The following KNTC1 variants were observed in gnomAD, a reference collection of about 807,000 sequenced individuals.
The protein encoded by KNTC1 is kinetochore-associated protein 1.
A neutral mutation model predicts 314.4 loss-of-function variants in KNTC1; 253 were observed. That is an observed-to-expected ratio of 0.80 (90% CI 0.73 to 0.89). The LOEUF (loss-of-function observed/expected upper bound fraction) is 0.89, where lower values mean the gene tolerates loss of function less well. Ranked by LOEUF, KNTC1 falls within the 40% of genes least tolerant of loss-of-function variation. KNTC1 has a pLI of 0.00. For missense variants in KNTC1, 2,475 were observed against 2,572.9 expected (o/e 0.96, Z 0.82); for synonymous variants, 901 against 901.4 (o/e 1.00, Z 0.01).
intron 36 of KNTC1, among the ~76,000 whole-genome samples, 176 bp downstream of exon 36, chr12:122,585,166 C>T (rs769532226): frequency 2.6e-5 from 4 of 151,878 alleles, no homozygotes; most frequent in Non-Finnish European, 5.9e-5. Context: ...TTCTGAGTAG[C>T]TGGGACTATA....
Position 122,602,575 on chromosome 12 carries a change from A to C in KNTC1, c.4660A>C (p.Ser1554Arg). Residue 1554 changes from serine to arginine, a missense_variant, in exon 46 of 64, where the codon AGT becomes CGT. Ser to Arg is a moderately radical substitution (Grantham distance 110, BLOSUM62 -1). Coordinates refer to ENST00000333479, the MANE Select transcript of KNTC1 (RefSeq NM_014708.6). ...ITNININQAL[S>R]ILKHLKSYRR... ...GTTTTTTATTTTAATATAGGCATTG[A>C]GTATTCTGAAACATTTGAAGTCATA... is the stretch of plus-strand genomic sequence containing the variant. The C allele has an allele frequency of 6.2e-7, 1 of 1,601,752 alleles. No individual in the cohort carries two copies. The highest frequency in any genetic ancestry group is 8.5e-7 in the Non-Finnish European group (1 of 1,170,902).
chr12:122,579,137 TCA>T (rs1177275648), intron 31 of KNTC1, among the ~76,000 whole-genome samples: 7 of 135,628 alleles, frequency 5.2e-5, no homozygotes, highest in African/African-American at 1.9e-4. Flanking sequence ...GGATCTCGGC[TCA>T]CTGCAAGCTC....
chr12:122,529,162 T>A (rs1961099733), intron 1 of KNTC1, among the ~76,000 whole-genome samples: 1 of 152,100 alleles, frequency 6.6e-6, no homozygotes, highest in Non-Finnish European at 1.5e-5. Context: ...TATTCCTATT[T>A]TATAAATTAG....
At chr12:122,609,175 T>G (rs1431514215) in intron 51 of KNTC1, 7 of 546,930 alleles carry the variant, frequency 1.3e-5, no homozygotes, top group South Asian at 5.0e-5. Flanking sequence ...TATCATATAG[T>G]AAGTGCTCAG....
rs749579950 is a variant in KNTC1 at position 122,624,611 on chromosome 12, TCA to T, written c.6530_6531del (p.Ser2177CysfsTer5). The T allele has an allele frequency of 6.2e-7, 1 of 1,612,356 alleles. No individual in the cohort carries two copies. The highest frequency in any genetic ancestry group is 1.7e-5 in the Admixed American group (1 of 59,990). On this transcript the variant is annotated frameshift_variant, in exon 63 of 64. Transcript: ENST00000333479. LOFTEE classifies it high-confidence loss of function. The stretch of plus-strand genomic sequence containing the variant: ...TTGATTTTGTAGTTTAGATGAAGCT[TCA>T]GTCTTGATAACTGAATATTCAAAGC... ...LANDLSLDEASVLITEYSKHC... is the reference protein window; with the variant it reads ...LANDLSLDEAXVLITEYSKHC...
intron 19 of KNTC1, 29 bp downstream of exon 19, chr12:122,562,003 T>A: frequency 6.3e-7 from 1 of 1,578,488 alleles, no homozygotes. Context: ...TAGGTTAATA[T>A]GTGGGTGAAT....
rs1964634993 is a variant in KNTC1 at position 122,570,802 on chromosome 12, AAG to A, written c.1861-72_1861-71del. 2.3e-5 allele frequency: 23 copies of A among 989,564 alleles called. No homozygotes were observed. In the South Asian group the frequency reaches 3.5e-4, roughly 15 times the overall value. 61.3% of individuals were successfully genotyped at this position (989,564 alleles called of 1,614,324 possible). A position where few individuals can be genotyped will look rare whatever the true frequency, so the allele number is the denominator to read the frequency against. ...CAAAATAAATATTTAAAGGAAAAAA[AAG>A]AAATCGTGGAGGTTTTTAGTTATGT... is the stretch of plus-strand genomic sequence containing the variant. On this transcript the variant is annotated intron_variant, in intron 22 of 63. Coordinates refer to ENST00000333479, the MANE Select transcript of KNTC1 (RefSeq NM_014708.6).
At chr12:122,539,921 A>C (rs1374529849) in intron 5 of KNTC1, among the ~76,000 whole-genome samples, 167 bp downstream of exon 5, 1 of 151,734 alleles carries the variant, frequency 6.6e-6, no homozygotes, top group Admixed American at 6.6e-5. Flanking sequence ...CTGGGATTAC[A>C]GGTGTGTGCC....
At chr12:122,582,258 A>G (rs1868515201) in intron 33 of KNTC1, among the ~76,000 whole-genome samples, 1 of 152,158 alleles carries the variant, frequency 6.6e-6, no homozygotes, top group Non-Finnish European at 1.5e-5. Flanking sequence ...CTCTACTAAA[A>G]ATAACAAAAA....
chr12:122,527,793 T>A (rs1320020457), intron 1 of KNTC1: 2 of 152,308 alleles, frequency 1.3e-5, no homozygotes, highest in Admixed American at 1.3e-4. Flanking sequence ...CTCTGTTCCC[T>A]CTGCCTACGT....
intron 43 of KNTC1, among the ~76,000 whole-genome samples, chr12:122,596,147 A>G (rs146349206): frequency 3.9e-4 from 58 of 148,224 alleles, no homozygotes; most frequent in African/African-American, 8.8e-4. Flanking sequence ...CAGTGGTGCA[A>G]TCTTGTCTCA....
chr12:122,558,598 G>T (rs10773302), intron 18 of KNTC1, among the ~76,000 whole-genome samples: 117,724 of 151,842 alleles, frequency 0.78, 46,074 homozygotes, highest in African/African-American at 0.87. Context: ...CTCTTAAATG[G>T]CTGGGTGAGG....
At chr12:122,600,204 A>C (rs1394436502) in intron 44 of KNTC1, among the ~76,000 whole-genome samples, 8 of 152,030 alleles carry the variant, frequency 5.3e-5, no homozygotes, top group Non-Finnish European at 7.4e-5. Context: ...GGTTCAAGCG[A>C]TTCTCCTGCC....
rs1290723873 is a variant in KNTC1, at chr12:122,624,893, A to T, written c.6606+205A>T. 14 of 534,540 alleles carry T rather than the reference A, an allele frequency of 2.6e-5. No individual in the cohort carries two copies. The Admixed American group carries it at 3.8e-4, about 14-fold the overall frequency. The allele number at this position is 534,540 out of a possible 1,614,324, so 33.1% of individuals were successfully genotyped here. ...TCTAATCTCAGCCCTGCCACTGGGCAGCAAAGCCTAATGTGGGCTTAGTCT... is the reference window on the plus strand; with the variant it reads ...TCTAATCTCAGCCCTGCCACTGGGCTGCAAAGCCTAATGTGGGCTTAGTCT... On this transcript the variant is annotated intron_variant, in intron 63 of 63. Coordinates refer to ENST00000333479, the MANE Select transcript of KNTC1 (RefSeq NM_014708.6).
At chr12:122,554,080 T>A (rs867786260) in intron 16 of KNTC1, among the ~76,000 whole-genome samples, 29 of 126,128 alleles carry the variant, frequency 2.3e-4, no homozygotes, top group East Asian at 1.9e-3. Context: ...AAAAAAAATA[T>A]ATATATATAT....
intron 26 of KNTC1, among the ~76,000 whole-genome samples, chr12:122,573,597 C>G (rs996421960): frequency 6.6e-6 from 1 of 152,034 alleles, no homozygotes; most frequent in African/African-American, 2.4e-5. Context: ...GTGGTCCGGG[C>G]ACAGCTTGGT....
chr12:122,563,456 T>G (rs776872325), intron 20 of KNTC1, among the ~76,000 whole-genome samples: 3 of 152,182 alleles, frequency 2.0e-5, no homozygotes, highest in Non-Finnish European at 4.4e-5. Flanking sequence ...ATTGTTTATA[T>G]TGCAAGGCAT....
chr12:122,578,831 A>G (rs1461664993), intron 31 of KNTC1, among the ~76,000 whole-genome samples: 1 of 152,172 alleles, frequency 6.6e-6, no homozygotes, highest in East Asian at 1.9e-4. Context: ...TTTAACACCT[A>G]ATATTTGCTA....
In KNTC1 at chr12:122,582,838, T is replaced by C. The variant is rs1868616898; in HGVS notation, c.3116T>C (p.Ile1039Thr). 2 of 1,611,842 alleles carry C rather than the reference T, an allele frequency of 1.2e-6. No homozygotes were observed. Among genetic ancestry groups the C allele is most frequent in the Non-Finnish European group, 8.5e-7 (1 of 1,179,010 alleles). ...KHKPGSTPEPIAAEVRSPSME... is the reference protein window; with the variant it reads ...KHKPGSTPEPTAAEVRSPSME... ...AAACCTGGGAGCACCCCAGAGCCCA[T>C]AGCTGCTGAGGTGAGGAGCCCAAGC... Residue 1039 changes from isoleucine to threonine, a missense_variant, in exon 34 of 64, where the codon ATA becomes ACA. Ile to Thr is a moderately conservative substitution (Grantham distance 89). Coordinates refer to ENST00000333479, the MANE Select transcript of KNTC1 (RefSeq NM_014708.6).
Sources: gnomAD v4.1 joint callset for allele counts (sites outside exome capture counted in the v4.1 genomes callset) on GRCh38, gnomAD v4.1.1 for gene constraint, MANE v1.5 for transcripts, NCBI Gene and HGNC (gene_info 2026-07-23, HGNC 2026-07-21) for gene names.